DSCAM: variants seen among roughly 807,000 people sequenced by gnomAD.
DSCAM encodes cell adhesion molecule DSCAM.
Under a neutral mutation model 217.7 loss-of-function variants are expected in DSCAM, and 47 were observed. The ratio of observed to expected loss-of-function variants is 0.22; its 90% CI spans 0.17 to 0.28. The LOEUF (loss-of-function observed/expected upper bound fraction) is 0.28, where lower values mean the gene tolerates loss of function less well. Among genes scored for constraint, DSCAM ranks in the 10% least tolerant of loss-of-function variants. The pLI, the probability that DSCAM is intolerant of heterozygous loss-of-function variation, is 1.00. For missense variants in DSCAM, 2,080 were observed against 2,618.3 expected (o/e 0.79, Z 4.49); for synonymous variants, 1,056 against 1,015.3 (o/e 1.04, Z -0.76).
intron 6 of DSCAM, among the ~76,000 whole-genome samples, chr21:40,344,840 CT>C (rs2074541022): frequency 6.6e-6 from 1 of 152,154 alleles, no homozygotes; most frequent in Admixed American, 6.5e-5. Flanking sequence ...GTCATTATCT[CT>C]GAATACTTTT....
At chr21:40,128,755 C>T (rs1484294301) in intron 19 of DSCAM, among the ~76,000 whole-genome samples, 1 of 151,250 alleles carries the variant, frequency 6.6e-6, no homozygotes, top group Non-Finnish European at 1.5e-5. Flanking sequence ...ACCTTGACCT[C>T]AGATGAGGGC....
intron 3 of DSCAM, among the ~76,000 whole-genome samples, chr21:40,554,697 C>G (rs2076657304): frequency 6.6e-6 from 1 of 152,076 alleles, no homozygotes; most frequent in Non-Finnish European, 1.5e-5. Flanking sequence ...GAGGTAATTC[C>G]TATTTTTAGG....
intron 1 of DSCAM, among the ~76,000 whole-genome samples, chr21:40,775,286 C>T (rs1252120827): frequency 6.6e-6 from 1 of 152,150 alleles, no homozygotes; most frequent in Non-Finnish European, 1.5e-5. Flanking sequence ...AAGTTACCCA[C>T]GTTGACCAGT....
At position 40,355,229 on chromosome 21, in the gene DSCAM, G is replaced by T. The variant is rs557134116; in HGVS notation, c.656-1486C>A. On this transcript the variant is annotated intron_variant, in intron 4 of 32. Coordinates refer to ENST00000400454, the MANE Select transcript of DSCAM (RefSeq NM_001389.5). ...TGTGGAGGCAGCCAGGAGGACTCAA[G>T]ATATGGTCCTCAGGGACAGACTCTC... is the stretch of plus-strand genomic sequence containing the variant. Among the ~76,000 whole-genome samples the T allele has an allele frequency of 1.8e-4, 28 of 152,324 alleles. No individual in the cohort carries two copies. The South Asian group carries it at 3.1e-3, about 17-fold the overall frequency.
chr21:40,622,287 A>AG (rs1982211114), intron 3 of DSCAM, among the ~76,000 whole-genome samples: 1 of 9,600 alleles, frequency 1.0e-4, no homozygotes, highest in Non-Finnish European at 1.1e-3. Context: ...GGAGGTGTAC[A>AG]AAAAAAGGTG....
At chr21:40,365,569 T>C (rs1311256366) in intron 4 of DSCAM, among the ~76,000 whole-genome samples, 1 of 152,184 alleles carries the variant, frequency 6.6e-6, no homozygotes, top group Non-Finnish European at 1.5e-5. Flanking sequence ...ACATCTATCC[T>C]ATTAATTCTG....
intron 19 of DSCAM, among the ~76,000 whole-genome samples, chr21:40,130,517 A>C (rs1452860462): frequency 6.6e-6 from 1 of 152,202 alleles, no homozygotes; most frequent in African/African-American, 2.4e-5. Flanking sequence ...GACTACAGGC[A>C]TGAGAATATG....
In DSCAM at chr21:40,366,203, C is replaced by G. The variant is rs74721404; in HGVS notation, c.655+2896G>C. 1.2e-4 allele frequency among the ~76,000 whole-genome samples: 18 copies of G among 152,120 alleles called. No individual in the cohort carries two copies. The East Asian group carries it at 3.5e-3, about 29-fold the overall frequency. ...ATGCATTCTTTTTAATGACAGGAGA[C>G]TTTTTTTGAATTAGTGTTTTATTAT... On this transcript the variant is annotated intron_variant, in intron 4 of 32. Coordinates refer to ENST00000400454, the MANE Select transcript of DSCAM (RefSeq NM_001389.5).
intron 3 of DSCAM, among the ~76,000 whole-genome samples, chr21:40,485,268 C>T (rs568736745): frequency 2.1e-4 from 31 of 144,322 alleles, no homozygotes; most frequent in South Asian, 8.8e-4. Flanking sequence ...TGAGACGGAG[C>T]CTCGCTGTCG....
At chr21:40,428,234 TTGTGTG>T (rs71186936) in intron 3 of DSCAM, among the ~76,000 whole-genome samples, 13,300 of 128,866 alleles carry the variant, frequency 0.1, 624 homozygotes, top group East Asian at 0.15. Flanking sequence ...GGCAAATACT[TTGTGTG>T]TGTGTGTGTG....
chr21:40,187,208 A>C lies in DSCAM; in HGVS notation c.2702T>G (p.Ile901Ser), dbSNP rs1378010150. The change falls in exon 14 of 33, where the codon ATT becomes AGT. Residue 901 changes from isoleucine to serine, a missense_variant. By Grantham distance (142) the Ile-to-Ser change is moderately radical (BLOSUM62 -2). Coordinates refer to ENST00000400454, the MANE Select transcript of DSCAM (RefSeq NM_001389.5). ...IEIKDVKART[I>S]TLRWTMGFDG... ...AAACCCCATGGTCCACCTGAGCGTA[A>C]TTGTGCGTGCTTTGACATCTTTGAT... is the stretch of plus-strand genomic sequence containing the variant. 2 of 1,614,060 alleles carry C rather than the reference A, an allele frequency of 1.2e-6. No homozygotes were observed. Among genetic ancestry groups the C allele is most frequent in the Non-Finnish European group, 1.7e-6 (2 of 1,179,980 alleles).
At chr21:40,772,645 C>T (rs1170560640) in intron 1 of DSCAM, among the ~76,000 whole-genome samples, 2 of 152,144 alleles carry the variant, frequency 1.3e-5, no homozygotes, top group Non-Finnish European at 1.5e-5. Flanking sequence ...TTGGTGGCCT[C>T]CCCAGCCAAA....
intron 1 of DSCAM, among the ~76,000 whole-genome samples, chr21:40,730,506 C>T (rs990009520): frequency 6.6e-6 from 1 of 152,174 alleles, no homozygotes; most frequent in African/African-American, 2.4e-5. Flanking sequence ...CATTTTCCAC[C>T]GTTTGATAAA....
Position 40,013,138 on chromosome 21 carries a change from G to A in DSCAM, c.5935C>T (p.Leu1979=). The part of the protein sequence containing the change: ...ATLPQREGAE[L]GQAAKMSSSQ... Reference sequence around the variant, plus strand: ...CTGCTCATTTTAGCTGCCTGTCCCAGCTCTGCTCCCTCCCGCTGAGGTAAT... The same window carrying A: ...CTGCTCATTTTAGCTGCCTGTCCCAACTCTGCTCCCTCCCGCTGAGGTAAT... The change falls in exon 33 of 33, where the codon CTG becomes TTG. Residue 1979 remains leucine (L), a synonymous_variant. Coordinates refer to ENST00000400454, the MANE Select transcript of DSCAM (RefSeq NM_001389.5). 1 of 1,613,090 alleles carries A rather than the reference G, an allele frequency of 6.2e-7. No homozygotes were observed. The highest frequency in any genetic ancestry group is 1.1e-5 in the South Asian group (1 of 90,806).
intron 9 of DSCAM, among the ~76,000 whole-genome samples, chr21:40,299,258 A>T (rs2073988447): frequency 6.6e-6 from 1 of 152,244 alleles, no homozygotes; most frequent in Non-Finnish European, 1.5e-5. Flanking sequence ...TACTAAGTGC[A>T]TGAATAAGCC....
chr21:40,690,309 G>A (rs2090525272), intron 3 of DSCAM, among the ~76,000 whole-genome samples: 1 of 152,130 alleles, frequency 6.6e-6, no homozygotes, highest in African/African-American at 2.4e-5. Flanking sequence ...AGCAGATCAT[G>A]CCACTGCTTT....
chr21:40,225,237 G>A (rs2091321678), intron 11 of DSCAM, among the ~76,000 whole-genome samples: 1 of 152,072 alleles, frequency 6.6e-6, no homozygotes, highest in Non-Finnish European at 1.5e-5. Context: ...TCTCTTTACT[G>A]CCTGCCTTCA....
At chr21:40,205,079 T>C (rs370143280) in intron 11 of DSCAM, among the ~76,000 whole-genome samples, 1 of 152,148 alleles carries the variant, frequency 6.6e-6, no homozygotes, top group Non-Finnish European at 1.5e-5. Flanking sequence ...AATCAGGAGG[T>C]ATTTTATGAC....
intron 3 of DSCAM, among the ~76,000 whole-genome samples, chr21:40,583,155 A>G (rs1283662778): frequency 6.6e-6 from 1 of 152,214 alleles, no homozygotes; most frequent in African/African-American, 2.4e-5. Flanking sequence ...TGAAGTTTCC[A>G]AGAGATCCAT....
Sources: gnomAD v4.1 joint callset for allele counts (sites outside exome capture counted in the v4.1 genomes callset) on GRCh38, gnomAD v4.1.1 for gene constraint, MANE v1.5 for transcripts, NCBI Gene and HGNC (gene_info 2026-07-23, HGNC 2026-07-21) for gene names.